Variants in SORCS3 observed in about 807,000 individuals in gnomAD.
The protein encoded by SORCS3 is sortilin related VPS10 domain containing receptor 3.
In SORCS3, 57 loss-of-function variants were observed where a neutral mutation model predicts 146.3. The observed-to-expected ratio is 0.39, with a 90% CI of 0.31 to 0.49. The LOEUF is 0.49. Ranked by LOEUF, SORCS3 falls within the 20% of genes least tolerant of loss-of-function variation. The pLI, the probability that SORCS3 is intolerant of heterozygous loss-of-function variation, is 0.92. For missense variants in SORCS3, 1,341 were observed against 1,575.5 expected, an observed-to-expected ratio of 0.85 and a Z score of 2.52; for synonymous variants, 653 against 618.5, an observed-to-expected ratio of 1.06 and a Z score of -0.83.
intron 1 of SORCS3, among the ~76,000 whole-genome samples, chr10:104,728,021 T>TTCTATCTATCTATCTA (rs56299885): frequency 2.7e-5 from 4 of 146,598 alleles, no homozygotes; most frequent in Non-Finnish European, 3.0e-5. Flanking sequence ...TATATAACAG[T>TTCTATCTATCTATCTA]TCTATCTATC....
intron 7 of SORCS3, among the ~76,000 whole-genome samples, chr10:105,119,089 G>A (rs1301445498): frequency 6.6e-6 from 1 of 152,128 alleles, no homozygotes; most frequent in Non-Finnish European, 1.5e-5. Flanking sequence ...TCATGGGCTG[G>A]GCCTAGGGTC....
intron 3 of SORCS3, among the ~76,000 whole-genome samples, chr10:104,917,194 G>T (rs1164743245): frequency 2.6e-5 from 4 of 152,110 alleles, no homozygotes; most frequent in Non-Finnish European, 4.4e-5. Flanking sequence ...GGCTGTTTAG[G>T]CACCTGTTAT....
intron 18 of SORCS3, among the ~76,000 whole-genome samples, chr10:105,216,310 G>A (rs1272483401): frequency 6.6e-6 from 1 of 152,140 alleles, no homozygotes; most frequent in Non-Finnish European, 1.5e-5. Context: ...TATATAATAT[G>A]TATTAAGTGA....
At chr10:105,043,652 A>G (rs1306332589) in intron 5 of SORCS3, among the ~76,000 whole-genome samples, 1 of 152,162 alleles carries the variant, frequency 6.6e-6, no homozygotes, top group Admixed American at 6.6e-5. Context: ...TTATGATATT[A>G]AAGACTCTGG....
intron 5 of SORCS3, among the ~76,000 whole-genome samples, chr10:105,085,021 C>T (rs1021096127): frequency 2.2e-4 from 33 of 152,110 alleles, no homozygotes; most frequent in African/African-American, 4.1e-4. Context: ...TGAGCCACCG[C>T]GCCCGGCCAA....
At chr10:104,785,021 G>A (rs949994548) in intron 1 of SORCS3, among the ~76,000 whole-genome samples, 13 of 152,018 alleles carry the variant, frequency 8.6e-5, no homozygotes, top group Non-Finnish European at 1.5e-4. Context: ...CAGTAGGGGC[G>A]GCCGGGCAGA....
chr10:104,683,196 G>A (rs142173609), intron 1 of SORCS3, among the ~76,000 whole-genome samples: 106 of 152,302 alleles, frequency 7.0e-4, no homozygotes, highest in Middle Eastern at 6.8e-3. Flanking sequence ...AGAGTCCAGG[G>A]AACAAAAGAA....
chr10:105,072,339 G>A (rs2055561916), intron 5 of SORCS3, among the ~76,000 whole-genome samples: 1 of 152,116 alleles, frequency 6.6e-6, no homozygotes. Context: ...AGATGAAAAA[G>A]CGCCTATTAA....
chr10:104,975,587 G>C (rs2054891178), intron 3 of SORCS3, among the ~76,000 whole-genome samples: 1 of 152,154 alleles, frequency 6.6e-6, no homozygotes. Context: ...AGCCAAAAAA[G>C]AGCCCGCATC....
At chr10:105,026,365 T>G (rs1284219348) in intron 4 of SORCS3, among the ~76,000 whole-genome samples, 1 of 152,192 alleles carries the variant, frequency 6.6e-6, no homozygotes, top group Non-Finnish European at 1.5e-5. Flanking sequence ...TCTTTACAGG[T>G]CACTAAATCA....
rs1277004194 is a variant in SORCS3 at position 104,973,985 on chromosome 10, T to C, written c.796-3350T>C. ...AGTCATTCAGGAGCAGGTTGTTCAG[T>C]TTCCATGTAGTTGAGCGGTTTTGAG... is the stretch of plus-strand genomic sequence containing the variant. On this transcript the variant is annotated intron_variant, in intron 3 of 26. Coordinates refer to ENST00000369701, the MANE Select transcript of SORCS3 (RefSeq NM_014978.3). Among the ~76,000 whole-genome samples the C allele has an allele frequency of 5.3e-5, 8 of 152,126 alleles. No individual in the cohort carries two copies. In the East Asian group the frequency reaches 1.5e-3, roughly 29 times the overall value.
chr10:105,242,434 A>ATT (rs1289775906), intron 20 of SORCS3, among the ~76,000 whole-genome samples: 1 of 52,036 alleles, frequency 1.9e-5, no homozygotes, highest in Non-Finnish European at 3.6e-5. Flanking sequence ...ATATTTATAC[A>ATT]TATATTTATA....
At chr10:104,841,143 A>G (rs2496011) in intron 1 of SORCS3, among the ~76,000 whole-genome samples, 20,290 of 152,192 alleles carry the variant, frequency 0.13, 2,377 homozygotes, top group African/African-American at 0.32. Flanking sequence ...GAGGCTATGG[A>G]TAAGTTTATT....
At chr10:104,934,306 A>T (rs1469727341) in intron 3 of SORCS3, among the ~76,000 whole-genome samples, 1 of 152,244 alleles carries the variant, frequency 6.6e-6, no homozygotes, top group East Asian at 1.9e-4. Context: ...AAGGCTATGT[A>T]TGAGACAATA....
chr10:105,183,109 T>C (rs1798440811), intron 14 of SORCS3, among the ~76,000 whole-genome samples: 1 of 152,162 alleles, frequency 6.6e-6, no homozygotes, highest in Non-Finnish European at 1.5e-5. Flanking sequence ...AGCAAGGACA[T>C]TCCTGGTGGG....
intron 1 of SORCS3, among the ~76,000 whole-genome samples, chr10:104,800,870 C>T (rs1434836249): frequency 1.3e-5 from 2 of 152,142 alleles, no homozygotes; most frequent in East Asian, 1.9e-4. Context: ...ATTTCCTTCC[C>T]ATCCCACCTT....
chr10:105,068,946 G>A (rs1367859760), intron 5 of SORCS3, among the ~76,000 whole-genome samples: 1 of 152,142 alleles, frequency 6.6e-6, no homozygotes, highest in Non-Finnish European at 1.5e-5. Flanking sequence ...TTTCATTAAA[G>A]ATTATTTGAG....
chr10:105,044,351 A>T (rs1296998546), intron 5 of SORCS3, among the ~76,000 whole-genome samples: 3 of 152,126 alleles, frequency 2.0e-5, no homozygotes. Context: ...GGCTACTGCC[A>T]TCATAGAGAT....
At chr10:105,104,177 C>T (rs1482877108) in intron 6 of SORCS3, among the ~76,000 whole-genome samples, 1 of 152,152 alleles carries the variant, frequency 6.6e-6, no homozygotes, top group African/African-American at 2.4e-5. Flanking sequence ...TACAAGGAAA[C>T]AATTGCATTA....
Sources: allele counts gnomAD v4.1 joint callset (sites outside exome capture counted in the v4.1 genomes callset), GRCh38; gene constraint gnomAD v4.1.1; transcripts MANE v1.5; gene names NCBI Gene and HGNC (gene_info 2026-07-23, HGNC 2026-07-21).